Variants in MARCHF1 observed in about 807,000 individuals in gnomAD.
The protein encoded by MARCHF1 is membrane associated ring-CH-type finger 1, also known as E3 ubiquitin-protein ligase MARCHF1.
Under a neutral mutation model 54.2 loss-of-function variants are expected in MARCHF1, and 40 were observed. The ratio of observed to expected loss-of-function variants is 0.74; its 90% CI spans 0.57 to 0.96. The LOEUF (loss-of-function observed/expected upper bound fraction) is 0.96, where lower values mean the gene tolerates loss of function less well. MARCHF1 is among the 40% of genes least tolerant of loss of function. MARCHF1 has a pLI of 0.00. For synonymous variants in MARCHF1, 236 were observed against 236.3 expected, an observed-to-expected ratio of 1.00 and a Z score of 0.01; for missense variants, 586 against 656.5, an observed-to-expected ratio of 0.89 and a Z score of 1.17.
intron 1 of MARCHF1, among the ~76,000 whole-genome samples, chr4:164,126,743 A>G (rs747618659): frequency 2.6e-5 from 4 of 152,140 alleles, no homozygotes; most frequent in Non-Finnish European, 4.4e-5. Context: ...TGGATGGTAA[A>G]TGCCATTCTA....
chr4:163,826,832 G>GTA (rs1748861547), intron 4 of MARCHF1, among the ~76,000 whole-genome samples: 2 of 151,998 alleles, frequency 1.3e-5, no homozygotes, highest in Admixed American at 1.3e-4. Context: ...GGGCTAGAAA[G>GTA]TATATAGGGT....
At chr4:163,731,159 C>G (rs1216725106) in intron 4 of MARCHF1, among the ~76,000 whole-genome samples, 1 of 152,204 alleles carries the variant, frequency 6.6e-6, no homozygotes, top group Non-Finnish European at 1.5e-5. Context: ...GCACATCCCT[C>G]TACATATCCA....
At chr4:164,327,954 T>C (rs1331952446) in intron 1 of MARCHF1, among the ~76,000 whole-genome samples, 3 of 152,144 alleles carry the variant, frequency 2.0e-5, no homozygotes, top group South Asian at 4.1e-4. Flanking sequence ...CCATTTTTAG[T>C]ATGCAGCTAG....
intron 2 of MARCHF1, among the ~76,000 whole-genome samples, chr4:164,026,132 T>C (rs920548138): frequency 6.6e-6 from 1 of 152,054 alleles, no homozygotes; most frequent in African/African-American, 2.4e-5. Context: ...CAAGATGGAT[T>C]CACAGCCAAA....
chr4:163,995,552 C>T (rs1196592132), intron 2 of MARCHF1, among the ~76,000 whole-genome samples: 1 of 151,956 alleles, frequency 6.6e-6, no homozygotes, highest in Non-Finnish European at 1.5e-5. Context: ...GGCTGCCAGC[C>T]ATCAGTCAAC....
rs1738115605 is a variant in MARCHF1, at chr4:163,526,655, T to C, written c.*2093A>G. ...TACAGTTTGTTTAAGGTCCACATGTTTTTTAAAACGTTAATTACTTATATC... is the reference window on the plus strand; with the variant it reads ...TACAGTTTGTTTAAGGTCCACATGTCTTTTAAAACGTTAATTACTTATATC... On this transcript the variant is annotated 3_prime_UTR_variant, in exon 10 of 10. Coordinates refer to ENST00000514618, the MANE Select transcript of MARCHF1 (RefSeq NM_001394959.1). 3 of 151,972 alleles carry C rather than the reference T, an allele frequency of 2.0e-5. No individual in the cohort carries two copies. Among genetic ancestry groups the C allele is most frequent in the Admixed American group, 2.0e-4 (3 of 15,222 alleles). 9.4% of individuals were successfully genotyped at this position (151,972 alleles called of 1,614,324 possible).
intron 1 of MARCHF1, among the ~76,000 whole-genome samples, chr4:164,198,384 G>A (rs956308206): frequency 2.0e-5 from 3 of 152,120 alleles, no homozygotes; most frequent in African/African-American, 4.8e-5. Flanking sequence ...TGAGTGGCAT[G>A]TATGTTTATT....
At chr4:164,191,160 A>G (rs932328423) in intron 1 of MARCHF1, among the ~76,000 whole-genome samples, 6 of 152,228 alleles carry the variant, frequency 3.9e-5, no homozygotes, top group Non-Finnish European at 5.9e-5. Flanking sequence ...GATTCGGAGT[A>G]TGGATTGAAC....
At chr4:163,908,076 C>G (rs968685961) in intron 3 of MARCHF1, among the ~76,000 whole-genome samples, 5 of 152,102 alleles carry the variant, frequency 3.3e-5, no homozygotes, top group Admixed American at 1.3e-4. Flanking sequence ...TGAGAAGACA[C>G]GCAGTATGAT....
Position 164,029,965 on chromosome 4 carries a change from T to G in MARCHF1, c.-247-41256A>C, listed in dbSNP as rs79638952. On this transcript the variant is annotated intron_variant, in intron 2 of 9. Coordinates refer to ENST00000514618, the MANE Select transcript of MARCHF1 (RefSeq NM_001394959.1). Reference sequence around the variant, plus strand: ...AAATGTTTCCTTTCCCCTTTGGGGATTCTATCATTCATAGATAATTTGCAA... The same window carrying G: ...AAATGTTTCCTTTCCCCTTTGGGGAGTCTATCATTCATAGATAATTTGCAA... Among the ~76,000 whole-genome samples, 485 of 152,338 alleles carry G rather than the reference T, an allele frequency of 3.2e-3. 3 individuals are homozygous for G. The highest frequency in any genetic ancestry group is 0.011 in the African/African-American group (468 of 41,584).
intron 4 of MARCHF1, among the ~76,000 whole-genome samples, chr4:163,763,276 G>T (rs1017561288): frequency 6.6e-6 from 1 of 152,030 alleles, no homozygotes; most frequent in African/African-American, 2.4e-5. Flanking sequence ...TACCTATTCA[G>T]ATGTCATTCT....
intron 5 of MARCHF1, among the ~76,000 whole-genome samples, chr4:163,615,200 T>G (rs7680990): frequency 0.92 from 140,302 of 152,100 alleles, 64,808 homozygotes; most frequent in African/African-American, 0.97. Context: ...GGAGGTGGGG[T>G]GATCCCTATG....
At chr4:163,929,814 T>C (rs565116440) in intron 3 of MARCHF1, among the ~76,000 whole-genome samples, 1 of 149,668 alleles carries the variant, frequency 6.7e-6, no homozygotes, top group South Asian at 2.1e-4. Context: ...TGATTTCTAG[T>C]GCATGGTTTG....
intron 4 of MARCHF1, among the ~76,000 whole-genome samples, chr4:163,845,189 C>T (rs1330095210): frequency 6.6e-6 from 1 of 152,064 alleles, no homozygotes; most frequent in Admixed American, 6.6e-5. Context: ...TTGATATATA[C>T]ATTTCTTTGA....
At chr4:164,223,234 T>C (rs1214227064) in intron 1 of MARCHF1, among the ~76,000 whole-genome samples, 1 of 152,010 alleles carries the variant, frequency 6.6e-6, no homozygotes, top group East Asian at 1.9e-4. Flanking sequence ...AAATGAAATG[T>C]TGTAGAGTTG....
chr4:163,608,279 A>G (rs1741209332), intron 7 of MARCHF1, among the ~76,000 whole-genome samples: 1 of 152,050 alleles, frequency 6.6e-6, no homozygotes, highest in Non-Finnish European at 1.5e-5. Context: ...AAGAATAGGA[A>G]GTCGTCTGGA....
intron 7 of MARCHF1, among the ~76,000 whole-genome samples, chr4:163,597,567 T>A (rs920175638): frequency 6.6e-6 from 1 of 152,186 alleles, no homozygotes; most frequent in Admixed American, 6.5e-5. Context: ...TTCAGTTGTT[T>A]ACATTAAAAT....
rs568549537 is a variant in MARCHF1, at chr4:163,528,376, A to T, written c.*372T>A. On this transcript the variant is annotated 3_prime_UTR_variant, in exon 10 of 10. Transcript: ENST00000514618. ...TTACAAGGCCCTAGAAGTAATACAC[A>T]TCGCAATTCAAGTCTGTATTCTTGA... 1.0e-5 allele frequency: 2 copies of T among 192,338 alleles called. No homozygotes were observed. Among genetic ancestry groups the T allele is most frequent in the South Asian group, 2.6e-4 (2 of 7,804 alleles). The allele number at this position is 192,338 out of a possible 1,614,324, so 11.9% of individuals were successfully genotyped here.
chr4:164,254,419 T>C (rs1733211414), intron 1 of MARCHF1, among the ~76,000 whole-genome samples: 1 of 150,914 alleles, frequency 6.6e-6, no homozygotes, highest in African/African-American at 2.4e-5. Context: ...AATAAACTCC[T>C]ATATATATGT....
Sources: gnomAD v4.1 joint callset for allele counts (sites outside exome capture counted in the v4.1 genomes callset) on GRCh38, gnomAD v4.1.1 for gene constraint, MANE v1.5 for transcripts, NCBI Gene and HGNC (gene_info 2026-07-23, HGNC 2026-07-21) for gene names.